The following SHROOM3 variants were observed in gnomAD, a reference collection of about 807,000 sequenced individuals.
SHROOM3 encodes the protein shroom family member 3.
In SHROOM3, 47 loss-of-function variants were observed where a neutral mutation model predicts 138.6. The observed-to-expected ratio is 0.34, with a 90% confidence interval of 0.27 to 0.43. The LOEUF is 0.43. SHROOM3 is among the 20% of genes least tolerant of loss of function. The pLI, the probability that SHROOM3 is intolerant of heterozygous loss-of-function variation, is 1.00. For missense variants in SHROOM3, 2,491 were observed against 2,596.5 expected (o/e 0.96, Z 0.88); for synonymous variants, 1,062 against 1,063.3 (o/e 1.00, Z 0.02).
At chr4:76,607,002 T>A (rs987602827) in intron 2 of SHROOM3, among the ~76,000 whole-genome samples, 1 of 152,110 alleles carries the variant, frequency 6.6e-6, no homozygotes, top group Non-Finnish European at 1.5e-5. Context: ...AAACTGTGTG[T>A]GTGTGTGTGT....
At chr4:76,537,618 A>G (rs1733007441) in intron 1 of SHROOM3, among the ~76,000 whole-genome samples, 1 of 152,092 alleles carries the variant, frequency 6.6e-6, no homozygotes, top group African/African-American at 2.4e-5. Flanking sequence ...AGTCATTAGA[A>G]AAGGTAGAGC....
At chr4:76,761,797 G>A (rs753750364) in intron 9 of SHROOM3, among the ~76,000 whole-genome samples, 3 of 152,154 alleles carry the variant, frequency 2.0e-5, no homozygotes, top group Admixed American at 6.5e-5. Flanking sequence ...GGGGAGTCAC[G>A]GGCTTAGGAA....
intron 2 of SHROOM3, among the ~76,000 whole-genome samples, chr4:76,701,065 G>A (rs775672029): frequency 5.3e-5 from 8 of 152,184 alleles, no homozygotes; most frequent in South Asian, 2.1e-4. Context: ...GATTAGAGGC[G>A]TGAGCCACTG....
At chr4:76,551,065 G>A (rs1178667235) in intron 1 of SHROOM3, among the ~76,000 whole-genome samples, 2 of 151,004 alleles carry the variant, frequency 1.3e-5, no homozygotes, top group African/African-American at 2.4e-5. Flanking sequence ...GAATGAAATG[G>A]TGCAATCTTG....
chr4:76,680,527 A>G (rs1186898825), intron 2 of SHROOM3, among the ~76,000 whole-genome samples: 2 of 152,232 alleles, frequency 1.3e-5, no homozygotes, highest in East Asian at 1.9e-4. Context: ...AAATACCATA[A>G]GTGAAAGACA....
chr4:76,555,914 A>C, intron 2 of SHROOM3, 151 bp downstream of exon 2: 1 of 832,820 alleles, frequency 1.2e-6, no homozygotes, highest in Non-Finnish European at 1.9e-6. Flanking sequence ...TTTCTTTCCT[A>C]TCTTGTGGGA....
At chr4:76,459,296 G>C (rs1035372418) in intron 1 of SHROOM3, among the ~76,000 whole-genome samples, 4 of 152,082 alleles carry the variant, frequency 2.6e-5, no homozygotes, top group African/African-American at 9.7e-5. Flanking sequence ...AATGCTTTGG[G>C]AGTTTTTAAC....
At chr4:76,600,661 A>T (rs1734487119) in intron 2 of SHROOM3, among the ~76,000 whole-genome samples, 1 of 152,174 alleles carries the variant, frequency 6.6e-6, no homozygotes, top group Non-Finnish European at 1.5e-5. Flanking sequence ...ATTGCTCTGG[A>T]ATGTTCCTGA....
At chr4:76,632,271 C>T (rs915235476) in intron 2 of SHROOM3, among the ~76,000 whole-genome samples, 1 of 152,104 alleles carries the variant, frequency 6.6e-6, no homozygotes, top group African/African-American at 2.4e-5. Flanking sequence ...TATTTAAGTT[C>T]AAAGGACTGG....
chr4:76,651,401 A>ATATAT (rs1735955382), intron 2 of SHROOM3, among the ~76,000 whole-genome samples: 100 of 86,752 alleles, frequency 1.2e-3, no homozygotes, highest in Non-Finnish European at 1.9e-3. Context: ...GTAACCCATA[A>ATATAT]ATATATATAT....
intron 2 of SHROOM3, among the ~76,000 whole-genome samples, chr4:76,691,583 T>C (rs1206754879): frequency 1.3e-5 from 2 of 152,236 alleles, no homozygotes; most frequent in Non-Finnish European, 2.9e-5. Context: ...TTAACTGCTT[T>C]CTGGGAAGGT....
chr4:76,513,438 C>T (rs774708110), intron 1 of SHROOM3, among the ~76,000 whole-genome samples: 3 of 152,104 alleles, frequency 2.0e-5, no homozygotes, highest in South Asian at 2.1e-4. Context: ...CTCAGCCTCC[C>T]GCGTAGCTGG....
intron 2 of SHROOM3, among the ~76,000 whole-genome samples, chr4:76,667,996 G>C (rs1468163278): frequency 1.1e-5 from 1 of 88,008 alleles, no homozygotes; most frequent in Admixed American, 1.1e-4. Context: ...AAAAAAAGTT[G>C]TTCTGCAGGT....
intron 1 of SHROOM3, among the ~76,000 whole-genome samples, chr4:76,499,125 G>GAGGT (rs1419809021): frequency 6.6e-6 from 1 of 152,172 alleles, no homozygotes; most frequent in East Asian, 1.9e-4. Context: ...CTAAAACTCG[G>GAGGT]AGGTACCTGT....
At chr4:76,735,355 A>G (rs1721004742) in intron 4 of SHROOM3, among the ~76,000 whole-genome samples, 1 of 152,126 alleles carries the variant, frequency 6.6e-6, no homozygotes, top group Non-Finnish European at 1.5e-5. Context: ...TGTATTCCCC[A>G]GGCAGCTTGG....
intron 2 of SHROOM3, among the ~76,000 whole-genome samples, chr4:76,610,074 G>T (rs866544586): frequency 2.6e-5 from 4 of 152,170 alleles, no homozygotes; most frequent in Non-Finnish European, 4.4e-5. Flanking sequence ...CTTCATAAAG[G>T]GTAATGAGGA....
At chr4:76,687,242 A>G (rs1577973773) in intron 2 of SHROOM3, among the ~76,000 whole-genome samples, 2 of 152,184 alleles carry the variant, frequency 1.3e-5, no homozygotes, top group African/African-American at 4.8e-5. Flanking sequence ...CCTTTTTCCT[A>G]TGTGTAACTT....
chr4:76,490,551 G>A (rs915022635), intron 1 of SHROOM3, among the ~76,000 whole-genome samples: 14 of 152,096 alleles, frequency 9.2e-5, no homozygotes, highest in East Asian at 3.9e-4. Flanking sequence ...CACCGCACCC[G>A]GCTGCTTCTG....
intron 2 of SHROOM3, among the ~76,000 whole-genome samples, chr4:76,621,718 A>AGT (rs1251168191): frequency 1.3e-5 from 2 of 152,168 alleles, no homozygotes; most frequent in African/African-American, 4.8e-5. Context: ...ATATGGAGTA[A>AGT]GTGTTTATGC....
Sources: gnomAD v4.1 joint callset for allele counts (sites outside exome capture counted in the v4.1 genomes callset) on GRCh38, gnomAD v4.1.1 for gene constraint, MANE v1.5 for transcripts, NCBI Gene and HGNC (gene_info 2026-07-23, HGNC 2026-07-21) for gene names.